Variants in FGF12 observed in about 807,000 individuals in gnomAD.
FGF12 encodes the protein fibroblast growth factor 12B.
Under a neutral mutation model 23.6 loss-of-function variants are expected in FGF12, and 14 were observed. The ratio of observed to expected loss-of-function variants is 0.59; its 90% CI spans 0.39 to 0.93. FGF12 has a LOEUF of 0.93. Ranked by LOEUF, FGF12 falls within the 40% of genes least tolerant of loss-of-function variation. The probability of loss-of-function intolerance (pLI) is 0.00; values close to 1 mark genes in which losing one functional copy is unlikely to be tolerated. For synonymous variants in FGF12, 62 were observed against 77.3 expected (o/e 0.80, Z 1.04); for missense variants, 175 against 217.8 (o/e 0.80, Z 1.24).
chr3:192,507,562 C>T (rs916516098), intron 2 of FGF12, among the ~76,000 whole-genome samples: 3 of 152,062 alleles, frequency 2.0e-5, no homozygotes, highest in Non-Finnish European at 4.4e-5. Context: ...GATTTGCAAG[C>T]CCAAAGGTCA....
intron 2 of FGF12, among the ~76,000 whole-genome samples, chr3:192,472,484 A>G (rs1394772569): frequency 6.6e-6 from 1 of 152,030 alleles, no homozygotes; most frequent in Admixed American, 6.6e-5. Context: ...ATGACACTCC[A>G]TACTGTCACC....
chr3:192,146,433 G>C (rs1339373812), intron 5 of FGF12, among the ~76,000 whole-genome samples: 2 of 151,986 alleles, frequency 1.3e-5, no homozygotes, highest in Non-Finnish European at 2.9e-5. Flanking sequence ...ACCACGCCTG[G>C]CTAATTTTTG....
chr3:192,637,774 T>C (rs10937554), intron 2 of FGF12, among the ~76,000 whole-genome samples: 29,910 of 152,198 alleles, frequency 0.2, 4,583 homozygotes, highest in African/African-American at 0.41. Flanking sequence ...TGAGGGTTCT[T>C]GGGCATATAA....
chr3:192,155,013 G>A (rs1431388924), intron 5 of FGF12, among the ~76,000 whole-genome samples: 5 of 146,254 alleles, frequency 3.4e-5, no homozygotes, highest in Non-Finnish European at 7.6e-5. Context: ...ATATAGTCTC[G>A]TGGTGCGCCG....
At chr3:192,230,165 T>G (rs1370314257) in intron 4 of FGF12, among the ~76,000 whole-genome samples, 1 of 152,138 alleles carries the variant, frequency 6.6e-6, no homozygotes, top group African/African-American at 2.4e-5. Context: ...TATTCACATG[T>G]AAGTTGGATG....
At chr3:192,399,697 G>T (rs113064512) in intron 2 of FGF12, among the ~76,000 whole-genome samples, 1 of 152,158 alleles carries the variant, frequency 6.6e-6, no homozygotes. Flanking sequence ...GCATTAGTAC[G>T]TTTAAAAACT....
intron 2 of FGF12, among the ~76,000 whole-genome samples, chr3:192,600,108 T>A (rs1038209409): frequency 6.6e-6 from 1 of 152,088 alleles, no homozygotes; most frequent in African/African-American, 2.4e-5. Context: ...CTGCATATAG[T>A]TATCCTGTTT....
At chr3:192,724,926 A>G (rs1719161101) in intron 2 of FGF12, among the ~76,000 whole-genome samples, 1 of 152,224 alleles carries the variant, frequency 6.6e-6, no homozygotes, top group African/African-American at 2.4e-5. Flanking sequence ...GAGTCACGCA[A>G]TATGACTCTA....
intron 2 of FGF12, among the ~76,000 whole-genome samples, chr3:192,644,944 G>A (rs1715947153): frequency 6.6e-6 from 1 of 152,170 alleles, no homozygotes; most frequent in South Asian, 2.1e-4. Flanking sequence ...CATTTGGGCA[G>A]AATCTTAAAA....
At chr3:192,606,387 G>A (rs933665928) in intron 2 of FGF12, among the ~76,000 whole-genome samples, 1 of 152,138 alleles carries the variant, frequency 6.6e-6, no homozygotes, top group Non-Finnish European at 1.5e-5. Flanking sequence ...GAGGGAGAAA[G>A]AGGGTGCAGG....
At chr3:192,410,176 G>A (rs1721151611) in intron 2 of FGF12, among the ~76,000 whole-genome samples, 1 of 152,136 alleles carries the variant, frequency 6.6e-6, no homozygotes, top group South Asian at 2.1e-4. Context: ...CTGGGGGCCG[G>A]GCCCCTGGAG....
intron 2 of FGF12, among the ~76,000 whole-genome samples, chr3:192,647,466 T>C (rs537155524): frequency 2.0e-5 from 3 of 151,964 alleles, no homozygotes; most frequent in Non-Finnish European, 4.4e-5. Flanking sequence ...TTTTATTATA[T>C]TTCTAGTTTA....
chr3:192,526,257 G>A (rs749735528), intron 2 of FGF12, among the ~76,000 whole-genome samples: 9 of 152,028 alleles, frequency 5.9e-5, no homozygotes, highest in East Asian at 1.9e-4. Context: ...GCTTACCTGC[G>A]CATATTTCTT....
intron 2 of FGF12, among the ~76,000 whole-genome samples, chr3:192,712,364 GA>G (rs1560202801): frequency 1.3e-5 from 2 of 151,158 alleles, no homozygotes; most frequent in Non-Finnish European, 3.0e-5. Flanking sequence ...AAGAATTAAA[GA>G]AAAAAATTCT....
At chr3:192,449,237 G>T (rs1014713806) in intron 2 of FGF12, among the ~76,000 whole-genome samples, 2 of 152,176 alleles carry the variant, frequency 1.3e-5, no homozygotes, top group Admixed American at 6.5e-5. Context: ...ACTAGAGGGT[G>T]CTGGAGGAAG....
intron 4 of FGF12, among the ~76,000 whole-genome samples, chr3:192,228,571 T>G: frequency 6.6e-6 from 1 of 152,074 alleles, no homozygotes; most frequent in Middle Eastern, 3.2e-3. Context: ...AATGGAAAAT[T>G]TATCACAATC....
intron 4 of FGF12, among the ~76,000 whole-genome samples, chr3:192,269,910 A>G (rs1713323430): frequency 6.6e-6 from 1 of 152,198 alleles, no homozygotes; most frequent in African/African-American, 2.4e-5. Flanking sequence ...TGAAAAGCTG[A>G]ACATTGTTAG....
At chr3:192,453,180 A>T (rs1355267469) in intron 2 of FGF12, among the ~76,000 whole-genome samples, 7 of 151,856 alleles carry the variant, frequency 4.6e-5, no homozygotes, top group Admixed American at 4.6e-4. Context: ...CTTTTCATTT[A>T]TTCTTTCTTT....
intron 2 of FGF12, among the ~76,000 whole-genome samples, chr3:192,544,581 A>G (rs567724799): frequency 3.3e-5 from 5 of 152,336 alleles, no homozygotes; most frequent in African/African-American, 9.6e-5. Flanking sequence ...TTATCTCAGT[A>G]TTAAAGTTAT....
Sources: allele counts gnomAD v4.1 joint callset (sites outside exome capture counted in the v4.1 genomes callset), GRCh38; gene constraint gnomAD v4.1.1; transcripts MANE v1.5; gene names NCBI Gene and HGNC (gene_info 2026-07-23, HGNC 2026-07-21).